The following SUN1 variants were observed in gnomAD, a reference collection of about 807,000 sequenced individuals.
SUN1 encodes the protein Sad1 and UNC84 domain containing 1, also known as SUN domain-containing protein 1.
SUN1 carries 61 observed loss-of-function variants against 103.2 expected under a neutral mutation model. The ratio of observed to expected loss-of-function variants is 0.59; its 90% CI spans 0.48 to 0.73. The LOEUF (loss-of-function observed/expected upper bound fraction) is 0.73. Ranked by LOEUF, SUN1 falls within the 30% of genes least tolerant of loss-of-function variation. The pLI, the probability that SUN1 is intolerant of heterozygous loss-of-function variation, is 0.00. For synonymous variants in SUN1, 490 were observed against 425.7 expected (o/e 1.15, Z -1.86); for missense variants, 1,052 against 1,034.6 (o/e 1.02, Z -0.23).
intron 16 of SUN1, among the ~76,000 whole-genome samples, chr7:868,115 G>A (rs1838497500): frequency 6.6e-6 from 1 of 152,228 alleles, no homozygotes; most frequent in South Asian, 2.1e-4. Flanking sequence ...AAGCCGGCGG[G>A]TACGTGCCCA....
intron 16 of SUN1, 154 bp from the exon 17 acceptor site, chr7:869,195 T>C: frequency 1.1e-6 from 1 of 882,320 alleles, no homozygotes; most frequent in African/African-American, 1.7e-5. Context: ...GAATTACAAA[T>C]GCCTTTCCCA....
chr7:844,329 C>T (rs1156387568), intron 5 of SUN1, among the ~76,000 whole-genome samples: 4 of 152,224 alleles, frequency 2.6e-5, no homozygotes, highest in African/African-American at 9.6e-5. Flanking sequence ...GCTTGTCCTT[C>T]GAGCTCACGT....
chr7:846,059 A>G (rs56393680), intron 5 of SUN1, among the ~76,000 whole-genome samples: 21,707 of 152,042 alleles, frequency 0.14, 1,728 homozygotes, highest in Non-Finnish European at 0.16. Context: ...TTCATTTTGT[A>G]TGTTAATTGA....
chr7:843,433 C>G lies in SUN1; in HGVS notation c.571C>G (p.Leu191Val). 1 of 1,614,112 alleles carries G rather than the reference C, an allele frequency of 6.2e-7. No homozygotes were observed. Among genetic ancestry groups the G allele is most frequent in the African/African-American group, 1.3e-5 (1 of 75,068 alleles). The stretch of plus-strand genomic sequence containing the variant: ...CTTCTCCTGCAGCAACTGCAGCATG[C>G]TGTCCGAGCGCAAGGACGTGCTCAC... ...NGFSCSNCSM[L>V]SERKDVLTAH... Residue 191 changes from leucine to valine, a missense_variant, in exon 5 of 19, where the codon CTG (leucine) becomes GTG (valine). Physicochemically the swap from Leu to Val is conservative, Grantham distance 32 (BLOSUM62 1). Transcript: ENST00000401592.
At chr7:868,222 A>G (rs1838651593) in intron 16 of SUN1, among the ~76,000 whole-genome samples, 2 of 152,244 alleles carry the variant, frequency 1.3e-5, no homozygotes, top group Admixed American at 1.3e-4. Flanking sequence ...CGTTGCGCAC[A>G]GCAACGTGGC....
intron 17 of SUN1, among the ~76,000 whole-genome samples, chr7:871,326 T>TA (rs1295810929): frequency 7.2e-5 from 11 of 152,360 alleles, no homozygotes; most frequent in African/African-American, 2.6e-4. Context: ...GTCATTCTGT[T>TA]ACAGACATAC....
At chr7:849,015 G>A (rs1232558502) in intron 5 of SUN1, among the ~76,000 whole-genome samples, 1 of 151,424 alleles carries the variant, frequency 6.6e-6, no homozygotes, top group Admixed American at 6.6e-5. Context: ...GCAGTGGTGT[G>A]ATCTCGGCTC....
At chr7:854,649 G>C (rs140947325) in intron 10 of SUN1, among the ~76,000 whole-genome samples, 2 of 152,248 alleles carry the variant, frequency 1.3e-5, no homozygotes, top group Admixed American at 1.3e-4. Context: ...AGGCCGAGGC[G>C]GGAGGGTCAC....
chr7:835,095 AT>A (rs1412980354), intron 1 of SUN1, among the ~76,000 whole-genome samples: 1 of 152,040 alleles, frequency 6.6e-6, no homozygotes, highest in Non-Finnish European at 1.5e-5. Flanking sequence ...ACAAAATAAA[AT>A]TTTTTTTCTC....
In SUN1 at chr7:873,908, G is replaced by T. The variant is rs1585445691; in HGVS notation, c.*577G>T. 1 of 152,722 alleles carries T rather than the reference G, an allele frequency of 6.5e-6. No homozygotes were observed. The highest frequency in any genetic ancestry group is 2.4e-5 in the African/African-American group (1 of 41,570). The allele number at this position is 152,722 out of a possible 1,614,324, so 9.5% of individuals were successfully genotyped here. ...TTCTGCTTTGTTCGCTCTTACTTCT[G>T]AGGAAGGTTTCCAGTCAGGACTCGC... is the stretch of plus-strand genomic sequence containing the variant. On this transcript the variant is annotated 3_prime_UTR_variant, in exon 19 of 19. Coordinates refer to ENST00000401592, the MANE Select transcript of SUN1 (RefSeq NM_001130965.3).
chr7:842,341 C>G, intron 3 of SUN1: 1 of 576,778 alleles, frequency 1.7e-6, no homozygotes, highest in East Asian at 3.0e-5. Flanking sequence ...GATCAGGACG[C>G]TCCTTGGAAG....
intron 15 of SUN1, among the ~76,000 whole-genome samples, chr7:865,118 C>G (rs190581057): frequency 2.6e-5 from 4 of 152,262 alleles, no homozygotes; most frequent in Non-Finnish European, 5.9e-5. Flanking sequence ...ATAGTGACCT[C>G]TGGTAGCCAT....
rs1840419519 is a variant in SUN1, at chr7:870,174, C to T, written c.2148+658C>T. Among the ~76,000 whole-genome samples the T allele has an allele frequency of 2.1e-5, 3 of 145,666 alleles. 1 individual carries two copies. The South Asian group carries it at 6.5e-4, about 32-fold the overall frequency. The stretch of plus-strand genomic sequence containing the variant: ...GAGCTGAGATCCTGCCACTGCACTC[C>T]AGCCTGGGCAACAGAGTGAGACCCT... On this transcript the variant is annotated intron_variant, in intron 17 of 18. Transcript: ENST00000401592.
chr7:849,866 A>T, intron 5 of SUN1: 1 of 1,536,622 alleles, frequency 6.5e-7, no homozygotes, highest in Non-Finnish European at 8.8e-7. Flanking sequence ...CACGGCTGAG[A>T]TGGACAGAGT....
At chr7:820,158 G>A (rs888087784) in intron 1 of SUN1, among the ~76,000 whole-genome samples, 2 of 152,190 alleles carry the variant, frequency 1.3e-5, no homozygotes, top group African/African-American at 4.8e-5. Context: ...GTACATCACT[G>A]TGGGGGTACT....
chr7:834,607 T>C (rs79874230), intron 1 of SUN1, among the ~76,000 whole-genome samples: 6,425 of 152,290 alleles, frequency 0.042, 143 homozygotes, highest in Middle Eastern at 0.051. Flanking sequence ...CTGACCTCTT[T>C]TCTGAAAGTT....
chr7:820,590 A>C (rs1348372215), intron 1 of SUN1, among the ~76,000 whole-genome samples: 1 of 152,208 alleles, frequency 6.6e-6, no homozygotes, highest in Non-Finnish European at 1.5e-5. Flanking sequence ...GAGAACTTCC[A>C]GTATAGTGTT....
intron 2 of SUN1, among the ~76,000 whole-genome samples, chr7:840,462 G>A (rs1025870664): frequency 9.2e-5 from 14 of 152,328 alleles, no homozygotes; most frequent in Non-Finnish European, 1.6e-4. Context: ...TCCCTCTGCC[G>A]GGTGTCACTG....
chr7:819,667 G>GTTC (rs1299347866), intron 1 of SUN1, among the ~76,000 whole-genome samples: 1 of 148,692 alleles, frequency 6.7e-6, no homozygotes, highest in Non-Finnish European at 1.5e-5. Context: ...TTTGGACCCA[G>GTTC]TTCTGTTCTG....
Sources: allele counts gnomAD v4.1 joint callset (sites outside exome capture counted in the v4.1 genomes callset), GRCh38; gene constraint gnomAD v4.1.1; transcripts MANE v1.5; gene names NCBI Gene and HGNC (gene_info 2026-07-23, HGNC 2026-07-21).